Variants in LDLRAD3 observed in about 807,000 individuals in gnomAD.
The protein encoded by LDLRAD3 is low density lipoprotein receptor class A domain containing 3, also known as low-density lipoprotein receptor class A domain-containing protein 3.
A neutral mutation model predicts 29.4 loss-of-function variants in LDLRAD3; 20 were observed. The ratio of observed to expected loss-of-function variants is 0.68; its 90% CI spans 0.48 to 0.99. LDLRAD3 has a LOEUF of 0.99. Among genes scored for constraint, LDLRAD3 ranks in the 50% least tolerant of loss-of-function variants. LDLRAD3 has a pLI of 0.00. For missense variants in LDLRAD3, 420 were observed against 454.3 expected (o/e 0.92, Z 0.69); for synonymous variants, 157 against 192.7 (o/e 0.81, Z 1.53).
At chr11:36,064,630 G>GT (rs1852762223) in intron 2 of LDLRAD3, among the ~76,000 whole-genome samples, 2 of 151,994 alleles carry the variant, frequency 1.3e-5, no homozygotes, top group African/African-American at 2.4e-5. Flanking sequence ...AGTTCTAATA[G>GT]TTTTTTTGTG....
At chr11:36,034,869 G>A (rs555789337) in intron 1 of LDLRAD3, among the ~76,000 whole-genome samples, 1 of 152,294 alleles carries the variant, frequency 6.6e-6, no homozygotes, top group African/African-American at 2.4e-5. Context: ...AGAACAGCAC[G>A]CATAAAGGAT....
At chr11:36,094,768 C>A (rs560460307) in intron 3 of LDLRAD3, among the ~76,000 whole-genome samples, 170 of 152,328 alleles carry the variant, frequency 1.1e-3, no homozygotes, top group Non-Finnish European at 1.8e-3. Flanking sequence ...ACCTCCTGAC[C>A]TCAAATGATC....
intron 4 of LDLRAD3, among the ~76,000 whole-genome samples, chr11:36,157,884 G>A (rs1854377630): frequency 1.3e-5 from 2 of 152,162 alleles, no homozygotes; most frequent in Admixed American, 6.5e-5. Context: ...TCCAGGTTCT[G>A]GGAGCAGAAG....
chr11:35,987,732 A>G (rs1480780946), intron 1 of LDLRAD3, among the ~76,000 whole-genome samples: 3 of 152,186 alleles, frequency 2.0e-5, no homozygotes, highest in Non-Finnish European at 4.4e-5. Flanking sequence ...ATACGAGTGC[A>G]TGTGTCTTTT....
At chr11:36,088,656 C>T (rs924437253) in intron 3 of LDLRAD3, among the ~76,000 whole-genome samples, 2 of 152,150 alleles carry the variant, frequency 1.3e-5, no homozygotes, top group African/African-American at 4.8e-5. Context: ...CAGTTGTAGC[C>T]TCAGAAAGCT....
intron 1 of LDLRAD3, among the ~76,000 whole-genome samples, chr11:35,957,795 C>CAA (rs1177748172): frequency 0.013 from 993 of 79,042 alleles, 24 homozygotes; most frequent in African/African-American, 0.04. Context: ...GACCTTATCT[C>CAA]AAAAAAAAAA....
intron 1 of LDLRAD3, among the ~76,000 whole-genome samples, chr11:36,028,664 A>G (rs1464194775): frequency 6.6e-6 from 1 of 152,192 alleles, no homozygotes; most frequent in Non-Finnish European, 1.5e-5. Context: ...CCCAAAAAGA[A>G]TTCCATTTTT....
chr11:36,162,118 C>T (rs910501856), intron 4 of LDLRAD3, among the ~76,000 whole-genome samples: 2 of 152,112 alleles, frequency 1.3e-5, no homozygotes, highest in Non-Finnish European at 2.9e-5. Flanking sequence ...TATTTAGCCT[C>T]GATGTGCTAA....
intron 2 of LDLRAD3, among the ~76,000 whole-genome samples, chr11:36,040,189 CTTTTCGAAGGGCAAGA>C (rs1304781291): frequency 6.6e-6 from 1 of 151,938 alleles, no homozygotes; most frequent in African/African-American, 2.4e-5. Context: ...AATTCTTGCC[CTTTTCGAAGGGCAAGA>C]AAGAGCCTGG....
chr11:35,964,583 C>A (rs1213429056), intron 1 of LDLRAD3, among the ~76,000 whole-genome samples: 1 of 152,166 alleles, frequency 6.6e-6, no homozygotes, highest in Admixed American at 6.5e-5. Flanking sequence ...TGAGTGTAAC[C>A]AGGGCCTGGT....
chr11:35,988,935 C>T (rs1851652958), intron 1 of LDLRAD3: 1 of 152,086 alleles, frequency 6.6e-6, no homozygotes, highest in Admixed American at 6.6e-5. Flanking sequence ...GAGGACTTAG[C>T]TATAAATTCT....
chr11:36,095,047 G>A (rs369190586), intron 3 of LDLRAD3, among the ~76,000 whole-genome samples: 1 of 152,132 alleles, frequency 6.6e-6, no homozygotes, highest in Non-Finnish European at 1.5e-5. Flanking sequence ...TTAGCTAGGC[G>A]TGGTGGTATA....
intron 1 of LDLRAD3, chr11:35,972,440 A>G (rs1285077128): frequency 6.6e-6 from 1 of 152,074 alleles, no homozygotes; most frequent in Non-Finnish European, 1.5e-5. Context: ...TTGTTTTCAA[A>G]TTGGTAATAG....
intron 2 of LDLRAD3, among the ~76,000 whole-genome samples, chr11:36,052,452 A>G (rs369733438): frequency 2.7e-4 from 41 of 152,360 alleles, no homozygotes; most frequent in African/African-American, 9.6e-4. Flanking sequence ...AATATTGCCA[A>G]TAAGATTATA....
chr11:36,104,285 A>G (rs10768177), intron 4 of LDLRAD3, among the ~76,000 whole-genome samples: 135,115 of 152,234 alleles, frequency 0.89, 60,768 homozygotes, highest in East Asian at 1. Flanking sequence ...CTAGTCAAAC[A>G]GAGACATCTG....
chr11:36,153,501 C>T (rs1361882460), intron 4 of LDLRAD3, among the ~76,000 whole-genome samples: 2 of 152,114 alleles, frequency 1.3e-5, no homozygotes, highest in Non-Finnish European at 2.9e-5. Flanking sequence ...GGCACCCCTC[C>T]CTCTCTTAGG....
intron 4 of LDLRAD3, among the ~76,000 whole-genome samples, chr11:36,149,363 A>G (rs952955877): frequency 5.9e-5 from 9 of 152,382 alleles, no homozygotes; most frequent in African/African-American, 2.2e-4. Flanking sequence ...TGCAAAGACC[A>G]TCCTGGATAA....
intron 1 of LDLRAD3, among the ~76,000 whole-genome samples, chr11:36,019,040 T>A (rs1022630325): frequency 6.6e-6 from 1 of 152,224 alleles, no homozygotes; most frequent in Admixed American, 6.5e-5. Flanking sequence ...ACCAAGTACT[T>A]CTTCTTTCTG....
chr11:36,175,680 T>C (rs1213538119), intron 4 of LDLRAD3, among the ~76,000 whole-genome samples: 1 of 152,232 alleles, frequency 6.6e-6, no homozygotes, highest in Admixed American at 6.5e-5. Flanking sequence ...GAATCCTTGA[T>C]ATAATTTCAG....
Sources: gnomAD v4.1 joint callset for allele counts (sites outside exome capture counted in the v4.1 genomes callset) on GRCh38, gnomAD v4.1.1 for gene constraint, MANE v1.5 for transcripts, NCBI Gene and HGNC (gene_info 2026-07-23, HGNC 2026-07-21) for gene names.